GALNT13: variants seen among roughly 807,000 people sequenced by gnomAD.
GALNT13 encodes UDP-GalNAc:polypeptide N-acetylgalactosaminyltransferase 13.
In GALNT13, 28 loss-of-function variants were observed where a neutral mutation model predicts 64.2. The ratio of observed to expected loss-of-function variants is 0.44; its 90% CI spans 0.32 to 0.60. The LOEUF is 0.60. Among genes scored for constraint, GALNT13 ranks in the 20% least tolerant of loss-of-function variants. The pLI, the probability that GALNT13 is intolerant of heterozygous loss-of-function variation, is 0.05. For missense variants in GALNT13, 577 were observed against 669.8 expected, an observed-to-expected ratio of 0.86 and a Z score of 1.53; for synonymous variants, 214 against 224.6, an observed-to-expected ratio of 0.95 and a Z score of 0.42.
chr2:154,340,964 A>G (rs998733156), intron 9 of GALNT13, among the ~76,000 whole-genome samples: 5 of 152,010 alleles, frequency 3.3e-5, no homozygotes, highest in African/African-American at 4.8e-5. Flanking sequence ...TAGTATGTGC[A>G]TGTATGTGTA....
At chr2:154,408,946 TTA>T (rs749151176) in intron 10 of GALNT13, 36 bp from the exon 11 acceptor site, 1 of 1,262,138 alleles carries the variant, frequency 7.9e-7, no homozygotes, top group African/African-American at 1.5e-5. Context: ...ACTGTCTGAT[TTA>T]TGTTTTATCC....
At chr2:154,241,948 G>T (rs1477836503) in intron 4 of GALNT13, 82 bp from the exon 5 acceptor site, 2 of 772,150 alleles carry the variant, frequency 2.6e-6, no homozygotes, top group Non-Finnish European at 3.9e-6. Flanking sequence ...GTCTGAAGTT[G>T]TGTTATTATG....
At chr2:153,319,007 A>G in the GALNT13 span, among the ~76,000 whole-genome samples, 1 of 152,306 alleles carries the variant, frequency 6.6e-6, no homozygotes, top group South Asian at 2.1e-4. Context: ...CATTTCACAA[A>G]TAAGGGACCC....
At chr2:154,265,067 T>A (rs1384584632) in intron 8 of GALNT13, among the ~76,000 whole-genome samples, 3 of 151,124 alleles carry the variant, frequency 2.0e-5, no homozygotes, top group South Asian at 4.2e-4. Context: ...ATGGGAAAAA[T>A]AGAGAGATGA....
the GALNT13 span, among the ~76,000 whole-genome samples, chr2:153,854,918 A>G: frequency 6.6e-6 from 1 of 152,156 alleles, no homozygotes; most frequent in East Asian, 1.9e-4. Context: ...ATCATTCTAC[A>G]TTAATTTTGA....
chr2:153,537,543 G>A, the GALNT13 span, among the ~76,000 whole-genome samples: 2 of 152,092 alleles, frequency 1.3e-5, no homozygotes, highest in Non-Finnish European at 2.9e-5. Context: ...ACAAATTAAG[G>A]CCTCTGAAGC....
At chr2:153,972,368 C>T (rs1406936843) in intron 3 of GALNT13, among the ~76,000 whole-genome samples, 1 of 152,094 alleles carries the variant, frequency 6.6e-6, no homozygotes, top group Non-Finnish European at 1.5e-5. Context: ...ACTAAGAACT[C>T]TTTACTCCTG....
At chr2:154,100,406 G>T (rs1363966644) in intron 3 of GALNT13, among the ~76,000 whole-genome samples, 2 of 152,192 alleles carry the variant, frequency 1.3e-5, no homozygotes, top group East Asian at 3.9e-4. Context: ...AGTTCTCCTT[G>T]TAGAGATTAT....
At chr2:153,112,468 A>G in the GALNT13 span, among the ~76,000 whole-genome samples, 9 of 151,348 alleles carry the variant, frequency 5.9e-5, no homozygotes, top group African/African-American at 2.2e-4. Context: ...GTAGTAACTG[A>G]CATTTTAGTC....
the GALNT13 span, among the ~76,000 whole-genome samples, chr2:153,145,529 T>C: frequency 6.6e-6 from 1 of 151,896 alleles, no homozygotes; most frequent in African/African-American, 2.4e-5. Flanking sequence ...ATTCTAAAAA[T>C]ACTTCTTAAT....
the GALNT13 span, among the ~76,000 whole-genome samples, chr2:153,756,748 T>G: frequency 6.6e-6 from 1 of 152,134 alleles, no homozygotes; most frequent in African/African-American, 2.4e-5. Flanking sequence ...ACTAGTATCT[T>G]CAAAATACTC....
chr2:154,340,646 T>C (rs1477669281), intron 9 of GALNT13, among the ~76,000 whole-genome samples: 2 of 152,160 alleles, frequency 1.3e-5, no homozygotes, highest in Admixed American at 1.3e-4. Context: ...ATCCTAAATT[T>C]AGATTCAGAA....
chr2:153,301,918 A>G, the GALNT13 span, among the ~76,000 whole-genome samples: 1 of 142,094 alleles, frequency 7.0e-6, no homozygotes, highest in Non-Finnish European at 1.5e-5. Context: ...TGTGTATAGT[A>G]TATCACATTT....
chr2:154,426,825 TC>T (rs1700491618), intron 11 of GALNT13, among the ~76,000 whole-genome samples: 1 of 152,210 alleles, frequency 6.6e-6, no homozygotes, highest in Admixed American at 6.5e-5. Flanking sequence ...TATTGTATTA[TC>T]TTGCACTGTT....
intron 8 of GALNT13, among the ~76,000 whole-genome samples, chr2:154,268,655 A>G (rs376978663): frequency 6.6e-6 from 1 of 152,276 alleles, no homozygotes; most frequent in African/African-American, 2.4e-5. Context: ...AGAGAGAGGC[A>G]TACTCCAAAG....
the GALNT13 span, among the ~76,000 whole-genome samples, chr2:153,680,081 A>C: frequency 6.6e-6 from 1 of 152,054 alleles, no homozygotes; most frequent in South Asian, 2.1e-4. Flanking sequence ...ACTAGGGTAG[A>C]CAACATGCTT....
chr2:154,360,213 G>A (rs1236499001), intron 9 of GALNT13, among the ~76,000 whole-genome samples: 2 of 152,120 alleles, frequency 1.3e-5, no homozygotes, highest in Admixed American at 1.3e-4. Flanking sequence ...TGCTCACAGT[G>A]CAGCAGTGCT....
At chr2:154,408,657 T>C (rs1699659023) in intron 10 of GALNT13, among the ~76,000 whole-genome samples, 1 of 152,034 alleles carries the variant, frequency 6.6e-6, no homozygotes, top group Non-Finnish European at 1.5e-5. Context: ...GTCCTAATTT[T>C]CAGAGGATTT....
At chr2:153,646,656 C>G in the GALNT13 span, among the ~76,000 whole-genome samples, 2 of 152,028 alleles carry the variant, frequency 1.3e-5, no homozygotes, top group East Asian at 1.9e-4. Context: ...TGTTCCCCTT[C>G]CTGTGTCCAT....
Sources: allele counts gnomAD v4.1 joint callset (sites outside exome capture counted in the v4.1 genomes callset), GRCh38; gene constraint gnomAD v4.1.1; transcripts MANE v1.5; gene names NCBI Gene and HGNC (gene_info 2026-07-23, HGNC 2026-07-21).